COL6A6: variants seen among roughly 807,000 people sequenced by gnomAD.
The protein encoded by COL6A6 is collagen alpha-6(VI) chain.
A neutral mutation model predicts 208.6 loss-of-function variants in COL6A6; 183 were observed. That is an observed-to-expected ratio of 0.88 (90% CI 0.78 to 0.99). The LOEUF is 0.99. COL6A6 is among the 50% of genes least tolerant of loss of function. The probability of loss-of-function intolerance (pLI) is 0.00; values close to 1 mark genes in which losing one functional copy is unlikely to be tolerated. For synonymous variants in COL6A6, 973 were observed against 1,011.8 expected, an observed-to-expected ratio of 0.96 and a Z score of 0.73; for missense variants, 2,816 against 2,815.2, an observed-to-expected ratio of 1.00 and a Z score of -0.01.
At chr3:130,550,633 C>A (rs2062620928) in intron 1 of COL6A6, among the ~76,000 whole-genome samples, 2 of 152,134 alleles carry the variant, frequency 1.3e-5, no homozygotes, top group African/African-American at 4.8e-5. Context: ...GAAGCAGAAC[C>A]CCCTCATAAA....
chr3:130,577,557 TAG>T (rs2063326827), intron 8 of COL6A6, among the ~76,000 whole-genome samples: 1 of 152,192 alleles, frequency 6.6e-6, no homozygotes, highest in African/African-American at 2.4e-5. Flanking sequence ...AACCTAGTAG[TAG>T]AACTAGCAAC....
intron 24 of COL6A6, among the ~76,000 whole-genome samples, 167 bp from the exon 25 acceptor site, chr3:130,626,318 T>A (rs1299154069): frequency 6.6e-6 from 1 of 152,220 alleles, no homozygotes; most frequent in Non-Finnish European, 1.5e-5. Flanking sequence ...GCTTCACTGA[T>A]CAATGGAGGA....
chr3:130,541,102 TAAAC>T (rs536920976), intron 1 of COL6A6, among the ~76,000 whole-genome samples: 90 of 152,278 alleles, frequency 5.9e-4, no homozygotes, highest in African/African-American at 2.1e-3. Flanking sequence ...ACAAGGAACT[TAAAC>T]AAATTTACAA....
At chr3:130,580,146 C>G (rs770847150) in intron 8 of COL6A6, among the ~76,000 whole-genome samples, 8 of 152,190 alleles carry the variant, frequency 5.3e-5, no homozygotes, top group East Asian at 1.9e-4. Context: ...TTGGTTACTA[C>G]CTGGTTTTCT....
chr3:130,645,849 T>G (rs62280683), intron 32 of COL6A6, among the ~76,000 whole-genome samples: 1 of 152,178 alleles, frequency 6.6e-6, no homozygotes, highest in Non-Finnish European at 1.5e-5. Flanking sequence ...CTTATCACCC[T>G]CTTATACATT....
chr3:130,670,903 C>T (rs140210020), intron 36 of COL6A6, among the ~76,000 whole-genome samples: 3 of 152,112 alleles, frequency 2.0e-5, no homozygotes, highest in African/African-American at 7.2e-5. Context: ...CTATCGTTAG[C>T]GTTGGTATAT....
intron 4 of COL6A6, among the ~76,000 whole-genome samples, chr3:130,566,141 T>A (rs2063018036): frequency 6.6e-6 from 1 of 152,230 alleles, no homozygotes. Context: ...TTATGTTTCA[T>A]ATATACACTT....
intron 33 of COL6A6, among the ~76,000 whole-genome samples, chr3:130,652,225 G>A (rs565303644): frequency 1.4e-4 from 21 of 152,328 alleles, no homozygotes; most frequent in Admixed American, 3.3e-4. Context: ...GCAGTTCTTT[G>A]CAACAGGTAT....
At chr3:130,569,152 G>C (rs1232100767) in intron 6 of COL6A6, among the ~76,000 whole-genome samples, 4 of 151,984 alleles carry the variant, frequency 2.6e-5, no homozygotes, top group African/African-American at 9.7e-5. Flanking sequence ...TCCTGGGCAA[G>C]GTGGCTCCTC....
intron 23 of COL6A6, among the ~76,000 whole-genome samples, chr3:130,611,108 C>T (rs183210909): frequency 2.7e-4 from 41 of 152,258 alleles, no homozygotes; most frequent in African/African-American, 9.9e-4. Flanking sequence ...GAACCTTCCC[C>T]AGGACACTTA....
At chr3:130,634,830 T>A (rs2065063026) in intron 27 of COL6A6, among the ~76,000 whole-genome samples, 1 of 152,208 alleles carries the variant, frequency 6.6e-6, no homozygotes, top group Non-Finnish European at 1.5e-5. Context: ...TAAAAAGTAT[T>A]TCTAGTTTTT....
At chr3:130,649,733 CTCTT>C (rs1162969689) in intron 33 of COL6A6, among the ~76,000 whole-genome samples, 171 bp downstream of exon 33, 2 of 151,464 alleles carry the variant, frequency 1.3e-5, no homozygotes, top group African/African-American at 2.4e-5. Flanking sequence ...ACACGTTAAG[CTCTT>C]TCTATTAAAT....
In COL6A6 at chr3:130,634,248, A is replaced by AT. The variant is rs1175822138; in HGVS notation, c.4993-342_4993-341insT. 3.5e-4 allele frequency among the ~76,000 whole-genome samples: 20 copies of AT among 56,460 alleles called. 2 individuals are homozygous for AT. Among genetic ancestry groups the AT allele is most frequent in the East Asian group, 1.4e-3 (2 of 1,416 alleles). 37.0% of individuals were successfully genotyped at this position (56,460 alleles called of 152,430 possible). A position where few individuals can be genotyped will look rare whatever the true frequency, so the allele number is the denominator to read the frequency against. ...AAATAAATAAATAAATAAATAAAAA[A>AT]AAAAAAAAAAAAAAAAAAGATCGTG... On this transcript the variant is annotated intron_variant, in intron 26 of 36. Coordinates refer to ENST00000358511, the MANE Select transcript of COL6A6 (RefSeq NM_001102608.3).
At chr3:130,537,625 T>G (rs1337001275) in intron 1 of COL6A6, among the ~76,000 whole-genome samples, 4 of 152,238 alleles carry the variant, frequency 2.6e-5, no homozygotes, top group African/African-American at 9.6e-5. Context: ...TTAGCAGATA[T>G]TTGTTGAATG....
At chr3:130,628,202 C>T (rs544469875) in intron 26 of COL6A6, among the ~76,000 whole-genome samples, 1 of 152,158 alleles carries the variant, frequency 6.6e-6, no homozygotes, top group East Asian at 1.9e-4. Context: ...GAGGGATTTC[C>T]AGTGAAATGT....
chr3:130,589,159 G>C lies in COL6A6; in HGVS notation c.4195G>C (p.Asp1399His). The C allele has an allele frequency of 6.2e-7, 1 of 1,613,720 alleles. No homozygotes were observed. Among genetic ancestry groups the C allele is most frequent in the Non-Finnish European group, 8.5e-7 (1 of 1,179,638 alleles). ...CATTGGAGGAGATGGCACAATGGGA[G>C]ATCCTGGACCACCAGGGAAAAGGGT... ...KCIGGDGTMG[D>H]PGPPGKRGPP... is the part of the protein sequence containing the mutation. Residue 1399 changes from aspartate to histidine, a missense_variant, in exon 12 of 37, where the codon GAT (aspartate) becomes CAT (histidine). Coordinates refer to ENST00000358511, the MANE Select transcript of COL6A6 (RefSeq NM_001102608.3).
chr3:130,545,265 T>C (rs1203943305), intron 1 of COL6A6, among the ~76,000 whole-genome samples: 4 of 152,236 alleles, frequency 2.6e-5, no homozygotes, highest in African/African-American at 9.6e-5. Context: ...CCAGCACTAT[T>C]TATTGAAGAG....
At chr3:130,625,163 A>T (rs1158491349) in intron 24 of COL6A6, among the ~76,000 whole-genome samples, 1 of 152,182 alleles carries the variant, frequency 6.6e-6, no homozygotes, top group African/African-American at 2.4e-5. Flanking sequence ...CCCACAGCAC[A>T]CTTTGAGAAC....
intron 24 of COL6A6, among the ~76,000 whole-genome samples, chr3:130,623,394 G>A (rs2108280381): frequency 6.6e-6 from 1 of 152,308 alleles, no homozygotes; most frequent in Admixed American, 6.5e-5. Context: ...AGGAGGTGGA[G>A]GTTGTAATGA....
Sources: allele counts gnomAD v4.1 joint callset (sites outside exome capture counted in the v4.1 genomes callset), GRCh38; gene constraint gnomAD v4.1.1; transcripts MANE v1.5; gene names NCBI Gene and HGNC (gene_info 2026-07-23, HGNC 2026-07-21).